SYT9: variants seen among roughly 807,000 people sequenced by gnomAD.
SYT9 encodes the protein synaptotagmin-9.
In SYT9, 22 loss-of-function variants were observed where a neutral mutation model predicts 48.4. The observed-to-expected ratio is 0.45, with a 90% confidence interval of 0.32 to 0.65. SYT9 has a LOEUF of 0.65. Ranked by LOEUF, SYT9 falls within the 30% of genes least tolerant of loss-of-function variation. The probability of loss-of-function intolerance (pLI) is 0.03; values close to 1 mark genes in which losing one functional copy is unlikely to be tolerated. For missense variants in SYT9, 577 were observed against 622.0 expected (o/e 0.93, Z 0.77); for synonymous variants, 265 against 245.0 (o/e 1.08, Z -0.76).
chr11:7,259,100 A>G (rs980282855), intron 1 of SYT9, among the ~76,000 whole-genome samples: 6 of 152,160 alleles, frequency 3.9e-5, no homozygotes, highest in Non-Finnish European at 1.5e-5. Context: ...TTTATCTGAA[A>G]TTGAAGTAGA....
intron 2 of SYT9, among the ~76,000 whole-genome samples, chr11:7,305,910 C>G (rs1459994879): frequency 2.6e-5 from 4 of 152,094 alleles, no homozygotes; most frequent in Non-Finnish European, 5.9e-5. Flanking sequence ...GCCTCTTCGG[C>G]TTGGATGTGT....
chr11:7,262,457 A>G (rs147902322), intron 1 of SYT9, among the ~76,000 whole-genome samples: 208 of 152,222 alleles, frequency 1.4e-3, no homozygotes, highest in Middle Eastern at 3.4e-3. Flanking sequence ...CTAGGAAGGC[A>G]CAGTGAATGG....
chr11:7,296,794 A>G (rs913894981), intron 1 of SYT9, among the ~76,000 whole-genome samples: 1 of 152,184 alleles, frequency 6.6e-6, no homozygotes, highest in African/African-American at 2.4e-5. Context: ...GATTATCAGT[A>G]AGATTTCATT....
At chr11:7,294,606 A>C (rs1224477835) in intron 1 of SYT9, among the ~76,000 whole-genome samples, 1 of 152,212 alleles carries the variant, frequency 6.6e-6, no homozygotes, top group East Asian at 1.9e-4. Context: ...AGTCCAAAGT[A>C]TAAGGCAAAC....
At chr11:7,345,007 A>G (rs1564870330) in intron 3 of SYT9, among the ~76,000 whole-genome samples, 1 of 151,986 alleles carries the variant, frequency 6.6e-6, no homozygotes, top group Non-Finnish European at 1.5e-5. Flanking sequence ...ATCACTTTCT[A>G]TTATTTGGAA....
intron 1 of SYT9, among the ~76,000 whole-genome samples, chr11:7,278,239 G>A (rs1452553932): frequency 6.6e-6 from 1 of 152,080 alleles, no homozygotes; most frequent in African/African-American, 2.4e-5. Context: ...CCCCTCCCAT[G>A]ATAACCTATT....
chr11:7,466,974 G>A lies in SYT9; in HGVS notation c.*174G>A. The A allele has an allele frequency of 1.3e-6, 1 of 758,190 alleles. No homozygotes were observed. The highest frequency in any genetic ancestry group is 2.7e-5 in the East Asian group (1 of 37,194). 47.0% of individuals were successfully genotyped at this position (758,190 alleles called of 1,614,324 possible). A position where few individuals can be genotyped will look rare whatever the true frequency, so the allele number is the denominator to read the frequency against. On this transcript the variant is annotated 3_prime_UTR_variant, in exon 7 of 7. Transcript: ENST00000318881. ...CAGATTGGGTTTGGTGAACCTGAATGGTCCAGCCACCTTCTGCAGGTGGCC... is the reference window on the plus strand; with the variant it reads ...CAGATTGGGTTTGGTGAACCTGAATAGTCCAGCCACCTTCTGCAGGTGGCC...
intron 3 of SYT9, among the ~76,000 whole-genome samples, chr11:7,373,532 G>A (rs72856447): frequency 0.26 from 39,381 of 151,986 alleles, 5,290 homozygotes; most frequent in Middle Eastern, 0.3. Context: ...CTTTGTCTCT[G>A]TTCCAGAGGC....
intron 6 of SYT9, among the ~76,000 whole-genome samples, chr11:7,442,409 C>T (rs1324572898): frequency 6.6e-6 from 1 of 152,220 alleles, no homozygotes; most frequent in African/African-American, 2.4e-5. Context: ...CTTGTCATTT[C>T]AAGAACCAGA....
chr11:7,293,220 T>G (rs1261052586), intron 1 of SYT9, among the ~76,000 whole-genome samples: 5 of 152,138 alleles, frequency 3.3e-5, no homozygotes, highest in Admixed American at 3.3e-4. Flanking sequence ...GAGGAAGGAA[T>G]CAGAGAGCCA....
At chr11:7,262,585 C>A (rs1848099998) in intron 1 of SYT9, among the ~76,000 whole-genome samples, 1 of 151,956 alleles carries the variant, frequency 6.6e-6, no homozygotes, top group Non-Finnish European at 1.5e-5. Flanking sequence ...AAGAGAAAAT[C>A]CAAGCAAGAG....
intron 6 of SYT9, among the ~76,000 whole-genome samples, chr11:7,425,115 T>C (rs1263108836): frequency 1.3e-5 from 2 of 152,088 alleles, no homozygotes; most frequent in Non-Finnish European, 2.9e-5. Context: ...TCTGGAGTCT[T>C]GGAGATCCAC....
intron 3 of SYT9, among the ~76,000 whole-genome samples, chr11:7,356,715 T>C (rs1235547839): frequency 3.3e-5 from 5 of 152,222 alleles, no homozygotes; most frequent in African/African-American, 9.6e-5. Flanking sequence ...ATTTTGATCA[T>C]CAGTAATAGA....
intron 1 of SYT9, among the ~76,000 whole-genome samples, chr11:7,283,164 TACAC>T (rs1200255879): frequency 7.9e-5 from 11 of 138,406 alleles, no homozygotes; most frequent in Admixed American, 2.1e-4. Context: ...TATATATATA[TACAC>T]ACACACACAC....
intron 3 of SYT9, among the ~76,000 whole-genome samples, chr11:7,343,320 A>G (rs1849745717): frequency 6.6e-6 from 1 of 152,158 alleles, no homozygotes; most frequent in Non-Finnish European, 1.5e-5. Flanking sequence ...TTAAAACTGA[A>G]TACTTTTAGC....
chr11:7,379,793 A>T (rs1850527157), intron 3 of SYT9, among the ~76,000 whole-genome samples: 1 of 152,126 alleles, frequency 6.6e-6, no homozygotes, highest in Admixed American at 6.6e-5. Context: ...GGCAATAACA[A>T]ATGCTGGCAA....
intron 6 of SYT9, chr11:7,435,106 C>G (rs1370940608): frequency 7.9e-5 from 12 of 152,228 alleles, no homozygotes; most frequent in African/African-American, 2.9e-4. Flanking sequence ...CGCCATCAAC[C>G]AAATGGTTTG....
At chr11:7,271,884 G>C (rs2346806) in intron 1 of SYT9, among the ~76,000 whole-genome samples, 149,414 of 152,310 alleles carry the variant, frequency 0.98, 73,346 homozygotes, top group Middle Eastern at 1. Flanking sequence ...CCTGTGCTTG[G>C]TCTTGGATGA....
intron 6 of SYT9, among the ~76,000 whole-genome samples, chr11:7,446,346 G>T (rs1847929751): frequency 6.6e-6 from 1 of 152,250 alleles, no homozygotes; most frequent in African/African-American, 2.4e-5. Context: ...AGAGTGCCTA[G>T]TACCTAATGT....
Sources: gnomAD v4.1 joint callset for allele counts (sites outside exome capture counted in the v4.1 genomes callset) on GRCh38, gnomAD v4.1.1 for gene constraint, MANE v1.5 for transcripts, NCBI Gene and HGNC (gene_info 2026-07-23, HGNC 2026-07-21) for gene names.